ADARB2: variants seen among roughly 807,000 people sequenced by gnomAD.
ADARB2 encodes adenosine deaminase RNA specific B2 (inactive).
ADARB2 carries 25 observed loss-of-function variants against 62.2 expected under a neutral mutation model. The observed-to-expected ratio is 0.40, with a 90% confidence interval of 0.29 to 0.56. The LOEUF (loss-of-function observed/expected upper bound fraction) is 0.56, where lower values mean the gene tolerates loss of function less well. Ranked by LOEUF, ADARB2 falls within the 20% of genes least tolerant of loss-of-function variation. The pLI, the probability that ADARB2 is intolerant of heterozygous loss-of-function variation, is 0.43. For synonymous variants in ADARB2, 572 were observed against 500.8 expected, an observed-to-expected ratio of 1.14 and a Z score of -1.90; for missense variants, 1,071 against 1,077.4, an observed-to-expected ratio of 0.99 and a Z score of 0.08.
chr10:1,369,783 T>A (rs1295411974), intron 2 of ADARB2, among the ~76,000 whole-genome samples: 1 of 152,214 alleles, frequency 6.6e-6, no homozygotes, highest in Non-Finnish European at 1.5e-5. Context: ...CTGTCTCTGA[T>A]CCCTAGAGCA....
At chr10:1,708,782 C>A (rs1834920260) in intron 1 of ADARB2, among the ~76,000 whole-genome samples, 1 of 152,228 alleles carries the variant, frequency 6.6e-6, no homozygotes, top group East Asian at 1.9e-4. Flanking sequence ...TTGGCACACA[C>A]CACGTCACCA....
chr10:1,449,887 A>G (rs561219607), intron 1 of ADARB2, among the ~76,000 whole-genome samples: 1 of 152,380 alleles, frequency 6.6e-6, no homozygotes, highest in East Asian at 1.9e-4. Flanking sequence ...CACTGAGTAG[A>G]AAAGAAAACA....
intron 4 of ADARB2, among the ~76,000 whole-genome samples, chr10:1,256,624 C>A (rs188433053): frequency 1.3e-5 from 2 of 152,054 alleles, no homozygotes; most frequent in South Asian, 2.1e-4. Flanking sequence ...TGGGGCCAGG[C>A]GAGCTTATGA....
At chr10:1,326,977 TCCC>T (rs1831861234) in intron 3 of ADARB2, among the ~76,000 whole-genome samples, 2 of 43,398 alleles carry the variant, frequency 4.6e-5, no homozygotes, top group African/African-American at 1.7e-4. Context: ...GCCCAGCGCC[TCCC>T]CACGGCCCAG....
At chr10:1,635,835 T>C (rs1833911870) in intron 1 of ADARB2, among the ~76,000 whole-genome samples, 1 of 152,214 alleles carries the variant, frequency 6.6e-6, no homozygotes, top group Admixed American at 6.5e-5. Flanking sequence ...ACTCTATCCC[T>C]GGACAGTTGC....
At chr10:1,669,249 G>C (rs1317564137) in intron 1 of ADARB2, among the ~76,000 whole-genome samples, 1 of 152,132 alleles carries the variant, frequency 6.6e-6, no homozygotes, top group Admixed American at 6.5e-5. Flanking sequence ...GAGGCCTGAG[G>C]AGATGATACC....
At chr10:1,576,334 C>G (rs368071183) in intron 1 of ADARB2, among the ~76,000 whole-genome samples, 1 of 145,540 alleles carries the variant, frequency 6.9e-6, no homozygotes. Context: ...CTCAGGGTCA[C>G]AGGATGGGTC....
rs1831567358 is a variant in ADARB2, at chr10:1,300,992, ACT to A, written c.1078-29925_1078-29924del. On this transcript the variant is annotated intron_variant, in intron 3 of 9. Coordinates refer to ENST00000381312, the MANE Select transcript of ADARB2 (RefSeq NM_018702.4). ...AGGAGCTGAATTGGCCCTGGTGTCCACTCTATTGCCGGACCGTGGTGTCATCT... is the reference window on the plus strand; with the variant it reads ...AGGAGCTGAATTGGCCCTGGTGTCCACTATTGCCGGACCGTGGTGTCATCT... Among the ~76,000 whole-genome samples, 3 of 152,172 alleles carry A rather than the reference ACT, an allele frequency of 2.0e-5. No individual in the cohort carries two copies. The South Asian group carries it at 6.2e-4, about 32-fold the overall frequency.
intron 1 of ADARB2, among the ~76,000 whole-genome samples, chr10:1,697,133 C>T (rs567950501): frequency 7.2e-5 from 11 of 152,256 alleles, no homozygotes; most frequent in Admixed American, 5.2e-4. Context: ...CCTCCCTGCT[C>T]ATCTGGGTGG....
chr10:1,309,111 G>C (rs1175533579), intron 3 of ADARB2, among the ~76,000 whole-genome samples: 1 of 152,186 alleles, frequency 6.6e-6, no homozygotes, highest in Non-Finnish European at 1.5e-5. Context: ...TTGTGTGTTG[G>C]GTTGTAGGAA....
At chr10:1,700,526 C>T (rs1164962561) in intron 1 of ADARB2, among the ~76,000 whole-genome samples, 48 of 1,906 alleles carry the variant, frequency 0.025, no homozygotes, top group African/African-American at 0.028. Context: ...CCCACTCCAC[C>T]GGGAGACCAG....
chr10:1,290,422 T>C (rs1349600910), intron 3 of ADARB2: 1 of 152,214 alleles, frequency 6.6e-6, no homozygotes. Context: ...CAGGACCAGG[T>C]GTCCACACCC....
chr10:1,243,794 C>T (rs78971283), intron 4 of ADARB2, among the ~76,000 whole-genome samples: 3,575 of 152,312 alleles, frequency 0.023, 70 homozygotes, highest in African/African-American at 0.046. Flanking sequence ...CCGCCTCCTG[C>T]CCATGTCCAC....
chr10:1,614,381 T>C (rs112394396), intron 1 of ADARB2, among the ~76,000 whole-genome samples: 4,858 of 152,350 alleles, frequency 0.032, 127 homozygotes, highest in South Asian at 0.077. Flanking sequence ...GCCTGGGTTT[T>C]AATTTGAATT....
At chr10:1,366,237 AATC>A (rs1238888572) in intron 2 of ADARB2, among the ~76,000 whole-genome samples, 1 of 152,124 alleles carries the variant, frequency 6.6e-6, no homozygotes, top group African/African-American at 2.4e-5. Context: ...CATTTAGCAA[AATC>A]ATCATTTGCC....
intron 1 of ADARB2, among the ~76,000 whole-genome samples, chr10:1,546,718 G>T (rs1832525816): frequency 6.6e-6 from 1 of 152,240 alleles, no homozygotes; most frequent in Admixed American, 6.5e-5. Flanking sequence ...GGAGATCACA[G>T]CTGGGCAAAG....
At chr10:1,486,058 G>A (rs1450181755) in intron 1 of ADARB2, among the ~76,000 whole-genome samples, 1 of 152,180 alleles carries the variant, frequency 6.6e-6, no homozygotes. Context: ...GTATTGAAGG[G>A]AGAAGATGCA....
intron 3 of ADARB2, among the ~76,000 whole-genome samples, chr10:1,299,331 C>T (rs780854317): frequency 1.3e-5 from 2 of 152,028 alleles, no homozygotes; most frequent in South Asian, 2.1e-4. Context: ...CACTGGGGGA[C>T]GTGGACGTGG....
intron 1 of ADARB2, among the ~76,000 whole-genome samples, chr10:1,508,259 A>G (rs1160712212): frequency 6.6e-6 from 1 of 152,056 alleles, no homozygotes; most frequent in Admixed American, 6.5e-5. Flanking sequence ...ATCTTGCAGA[A>G]CCTCAATGGA....
Sources: allele counts gnomAD v4.1 joint callset (sites outside exome capture counted in the v4.1 genomes callset), GRCh38; gene constraint gnomAD v4.1.1; transcripts MANE v1.5; gene names NCBI Gene and HGNC (gene_info 2026-07-23, HGNC 2026-07-21).